Variants in OCA2 observed in about 807,000 individuals in gnomAD.
OCA2 encodes the protein P protein.
OCA2 carries 77 observed loss-of-function variants against 100.2 expected under a neutral mutation model. The observed-to-expected ratio is 0.77, with a 90% CI of 0.64 to 0.93. The LOEUF is 0.93. Ranked by LOEUF, OCA2 falls within the 40% of genes least tolerant of loss-of-function variation. The pLI is 0.00. For synonymous variants in OCA2, 432 were observed against 439.2 expected, an observed-to-expected ratio of 0.98 and a Z score of 0.21; for missense variants, 1,062 against 1,089.1, an observed-to-expected ratio of 0.98 and a Z score of 0.35.
intron 23 of OCA2, among the ~76,000 whole-genome samples, chr15:27,836,842 A>G (rs1207885397): frequency 6.6e-6 from 1 of 152,096 alleles, no homozygotes; most frequent in African/African-American, 2.4e-5. Flanking sequence ...TTCTCTAGAT[A>G]TTTTTTTCAC....
At position 27,888,379 on chromosome 15, in the gene OCA2, A is replaced by G. The variant is rs188177409; in HGVS notation, c.2080-16457T>C. ...AGTCTCCTAAAATAATAGACAAAAT[A>G]TCCAGGATACAATCAAAAGTCACCT... On this transcript the variant is annotated intron_variant, in intron 19 of 23. Transcript: ENST00000354638. 3.3e-5 allele frequency among the ~76,000 whole-genome samples: 5 copies of G among 152,344 alleles called. No individual in the cohort carries two copies. In the East Asian group the frequency reaches 9.6e-4, roughly 29 times the overall value.
downstream of OCA2, among the ~76,000 whole-genome samples, chr15:27,750,967 T>C (rs916407919): frequency 3.9e-5 from 6 of 152,138 alleles, no homozygotes; most frequent in African/African-American, 1.4e-4. Flanking sequence ...TCACAGGTCA[T>C]TGATTGAAGA....
rs757072925 is a variant in OCA2 at position 28,032,096 on chromosome 15, G to T, written c.295C>A (p.Pro99Thr). 1.2e-6 allele frequency: 2 copies of T among 1,613,972 alleles called. No homozygotes were observed. The highest frequency in any genetic ancestry group is 2.2e-5 in the South Asian group (2 of 91,074). Reference protein sequence around the residue: ...SKDSCFTENTPLLRNSLQEKG... With the variant: ...SKDSCFTENTTLLRNSLQEKG... ...TCCTGTAAGGAATTCCTCAGCAAAGGAGTGTTTTCTGTAAAGCAGGAATCT... is the reference window on the plus strand; with the variant it reads ...TCCTGTAAGGAATTCCTCAGCAAAGTAGTGTTTTCTGTAAAGCAGGAATCT... Residue 99 changes from proline (P) to threonine (T), a missense_variant, in exon 3 of 24, where the codon CCT (proline) becomes ACT (threonine). Physicochemically the swap from Pro to Thr is conservative, Grantham distance 38. Transcript: ENST00000354638.
intron 23 of OCA2, among the ~76,000 whole-genome samples, chr15:27,795,192 T>C (rs1234960855): frequency 6.6e-6 from 1 of 152,212 alleles, no homozygotes; most frequent in Non-Finnish European, 1.5e-5. Context: ...AATAAGCACA[T>C]TTCCGTAGCG....
Position 27,983,488 on chromosome 15 carries a change from C to T in OCA2, c.1365-5G>A. On this transcript the variant is annotated splice_region_variant and splice_polypyrimidine_tract_variant and intron_variant, in intron 13 of 23. Coordinates refer to ENST00000354638, the MANE Select transcript of OCA2 (RefSeq NM_000275.3). ...AGGTTGAGCACCTCACACAACCTGT[C>T]ACAAATGGAGGAAAATGAAAGTAGT... 6.2e-7 allele frequency: 1 copy of T among 1,614,134 alleles called. No individual in the cohort carries two copies. The highest frequency in any genetic ancestry group is 8.5e-7 in the Non-Finnish European group (1 of 1,179,988).
intron 2 of OCA2, among the ~76,000 whole-genome samples, chr15:28,066,670 G>A (rs2044034411): frequency 6.6e-6 from 1 of 152,032 alleles, no homozygotes; most frequent in African/African-American, 2.4e-5. Context: ...GTCTCTTGTG[G>A]GGGCAATCTA....
intron 14 of OCA2, among the ~76,000 whole-genome samples, chr15:27,975,512 A>T (rs1002683857): frequency 6.6e-6 from 1 of 152,190 alleles, no homozygotes; most frequent in Non-Finnish European, 1.5e-5. Flanking sequence ...ATGAATATAC[A>T]TTTGTTCCAG....
chr15:28,031,684 G>A (rs1191769985), intron 3 of OCA2, among the ~76,000 whole-genome samples: 1 of 152,180 alleles, frequency 6.6e-6, no homozygotes, highest in Non-Finnish European at 1.5e-5. Context: ...CAGAATGTTT[G>A]GAGCATCCCT....
At chr15:28,071,656 C>A (rs998263339) in intron 2 of OCA2, among the ~76,000 whole-genome samples, 2 of 152,200 alleles carry the variant, frequency 1.3e-5, no homozygotes, top group Non-Finnish European at 2.9e-5. Context: ...CCAATATAAA[C>A]AAACAATGAG....
chr15:27,761,195 A>AT (rs2030805831), intron 23 of OCA2, among the ~76,000 whole-genome samples: 1 of 152,104 alleles, frequency 6.6e-6, no homozygotes, highest in Admixed American at 6.5e-5. Context: ...TGAAAAAAAA[A>AT]GCAAAACAAA....
At chr15:27,948,564 C>T (rs750825055) in intron 18 of OCA2, among the ~76,000 whole-genome samples, 11 of 152,168 alleles carry the variant, frequency 7.2e-5, no homozygotes, top group Non-Finnish European at 1.0e-4. Context: ...CTCCCAGGCT[C>T]AAGCAATCCT....
intron 9 of OCA2, among the ~76,000 whole-genome samples, chr15:28,004,372 C>T (rs918260407): frequency 6.6e-6 from 1 of 152,232 alleles, no homozygotes; most frequent in Non-Finnish European, 1.5e-5. Flanking sequence ...TGGAAACCAC[C>T]TCTCCAACCA....
downstream of OCA2, among the ~76,000 whole-genome samples, chr15:27,753,627 C>T (rs949640315): frequency 3.9e-5 from 6 of 152,068 alleles, no homozygotes; most frequent in South Asian, 1.2e-3. Context: ...GTCCCAGCTA[C>T]TCGGGAGGCT....
intron 19 of OCA2, among the ~76,000 whole-genome samples, chr15:27,903,296 G>A (rs1239318452): frequency 6.6e-6 from 1 of 152,160 alleles, no homozygotes; most frequent in Non-Finnish European, 1.5e-5. Flanking sequence ...GAAACCCCAA[G>A]CCCGCCACGG....
intron 19 of OCA2, among the ~76,000 whole-genome samples, chr15:27,879,790 A>G (rs931410430): frequency 8.5e-5 from 13 of 152,058 alleles, no homozygotes; most frequent in African/African-American, 3.1e-4. Flanking sequence ...ATTTTCTCCC[A>G]TTCTGTAGGT....
intron 11 of OCA2, 90 bp from the exon 12 acceptor site, chr15:27,986,733 T>G: frequency 1.0e-4 from 89 of 851,890 alleles, no homozygotes; most frequent in Non-Finnish European, 1.4e-4. Flanking sequence ...ATTTGAGCTC[T>G]GGCCTCTGAA....
the OCA2 span, among the ~76,000 whole-genome samples, chr15:27,733,149 A>G: frequency 2.6e-5 from 4 of 152,202 alleles, 1 homozygote; most frequent in Middle Eastern, 0.014. Context: ...AAATACCTCA[A>G]TTTTGTTTGG....
At chr15:27,842,622 G>A (rs1017386908) in intron 23 of OCA2, among the ~76,000 whole-genome samples, 3 of 152,168 alleles carry the variant, frequency 2.0e-5, no homozygotes, top group African/African-American at 7.2e-5. Flanking sequence ...GTCAGAGCTG[G>A]AAGAACTGGA....
chr15:27,816,107 C>CA (rs2034288767), intron 23 of OCA2, among the ~76,000 whole-genome samples: 2 of 152,166 alleles, frequency 1.3e-5, no homozygotes, highest in Non-Finnish European at 2.9e-5. Flanking sequence ...GCACTCCAGC[C>CA]TGGGCAACAA....
Sources: gnomAD v4.1 joint callset for allele counts (sites outside exome capture counted in the v4.1 genomes callset) on GRCh38, gnomAD v4.1.1 for gene constraint, MANE v1.5 for transcripts, NCBI Gene and HGNC (gene_info 2026-07-23, HGNC 2026-07-21) for gene names.